PTPRD: variants seen among roughly 807,000 people sequenced by gnomAD.
The protein encoded by PTPRD is protein tyrosine phosphatase receptor type D, also known as receptor-type tyrosine-protein phosphatase delta.
In PTPRD, 34 loss-of-function variants were observed where a neutral mutation model predicts 214.5. That is an observed-to-expected ratio of 0.16 (90% CI 0.12 to 0.21). PTPRD has a LOEUF of 0.21. PTPRD is among the 10% of genes least tolerant of loss of function. The probability of loss-of-function intolerance (pLI) is 1.00; values close to 1 mark genes in which losing one functional copy is unlikely to be tolerated. For synonymous variants in PTPRD, 1,128 were observed against 845.7 expected, an observed-to-expected ratio of 1.33 and a Z score of -5.79; for missense variants, 2,545 against 2,398.7, an observed-to-expected ratio of 1.06 and a Z score of -1.27.
chr9:9,846,347 G>A (rs950349164), intron 5 of PTPRD, among the ~76,000 whole-genome samples: 1 of 152,024 alleles, frequency 6.6e-6, no homozygotes, highest in Admixed American at 6.6e-5. Context: ...TTTATCCAAA[G>A]TCTAGGTAAG....
intron 11 of PTPRD, among the ~76,000 whole-genome samples, chr9:8,870,985 A>C (rs4740966): frequency 0.19 from 29,209 of 152,154 alleles, 4,161 homozygotes; most frequent in African/African-American, 0.4. Context: ...GAGAAGAAAA[A>C]GCAGACATCC....
chr9:10,231,399 G>T (rs1390047974), intron 3 of PTPRD, among the ~76,000 whole-genome samples: 1 of 151,902 alleles, frequency 6.6e-6, no homozygotes, highest in Non-Finnish European at 1.5e-5. Context: ...GAAAAAAAGT[G>T]CAATTACCTA....
rs1001582495 is a variant in PTPRD, at chr9:9,757,255, C to T, written c.-326+9555G>A. Among the ~76,000 whole-genome samples, 15 of 152,124 alleles carry T rather than the reference C, an allele frequency of 9.9e-5. No homozygotes were observed. The East Asian group carries it at 1.7e-3, about 18-fold the overall frequency. ...TTGAAAACATTTAATATTTACTCTT[C>T]GGTTAAGTTTCATGCAAATAGTAGC... On this transcript the variant is annotated intron_variant, in intron 6 of 45. Coordinates refer to ENST00000381196, the MANE Select transcript of PTPRD (RefSeq NM_002839.4).
chr9:9,600,720 A>C (rs9407436), intron 7 of PTPRD, among the ~76,000 whole-genome samples: 65,225 of 151,890 alleles, frequency 0.43, 14,967 homozygotes, highest in Non-Finnish European at 0.51. Context: ...GGTAGTATTG[A>C]ATAACAATTA....
chr9:8,353,501 C>T (rs574321929), intron 39 of PTPRD, among the ~76,000 whole-genome samples: 10 of 151,772 alleles, frequency 6.6e-5, no homozygotes, highest in East Asian at 2.0e-4. Flanking sequence ...GGTGTGATCT[C>T]GGCTCATCGT....
chr9:8,905,466 T>C (rs2098700982), intron 11 of PTPRD, among the ~76,000 whole-genome samples: 1 of 151,980 alleles, frequency 6.6e-6, no homozygotes. Flanking sequence ...CAGCCGGACG[T>C]CGTGGCTCAC....
intron 5 of PTPRD, among the ~76,000 whole-genome samples, chr9:9,796,903 G>A (rs928169151): frequency 7.2e-5 from 11 of 152,056 alleles, no homozygotes; most frequent in Admixed American, 2.6e-4. Flanking sequence ...ACACCATTAC[G>A]TCATTGCCAC....
intron 11 of PTPRD, among the ~76,000 whole-genome samples, chr9:8,907,582 A>C (rs918246137): frequency 6.7e-6 from 1 of 149,448 alleles, no homozygotes; most frequent in Admixed American, 6.7e-5. Flanking sequence ...GCATTGAATC[A>C]ACAAATGGGG....
At chr9:9,099,058 G>A (rs1031415591) in intron 10 of PTPRD, among the ~76,000 whole-genome samples, 1 of 152,136 alleles carries the variant, frequency 6.6e-6, no homozygotes. Flanking sequence ...AAGCAAGTGA[G>A]TACAATGACA....
At chr9:9,878,180 A>T (rs2067477432) in intron 5 of PTPRD, among the ~76,000 whole-genome samples, 1 of 152,144 alleles carries the variant, frequency 6.6e-6, no homozygotes, top group African/African-American at 2.4e-5. Flanking sequence ...TTATTGAAAT[A>T]TACTTAAATA....
At chr9:9,774,678 T>C (rs966476661) in intron 5 of PTPRD, among the ~76,000 whole-genome samples, 1 of 152,214 alleles carries the variant, frequency 6.6e-6, no homozygotes, top group African/African-American at 2.4e-5. Context: ...ATTATACTTT[T>C]AAATGTGATG....
At chr9:10,195,685 A>G (rs981940324) in intron 3 of PTPRD, among the ~76,000 whole-genome samples, 7 of 152,196 alleles carry the variant, frequency 4.6e-5, no homozygotes, top group Admixed American at 1.3e-4. Context: ...TTATTTGCAA[A>G]GATAGATATG....
At chr9:8,712,782 G>C (rs374791498) in intron 12 of PTPRD, among the ~76,000 whole-genome samples, 1 of 152,090 alleles carries the variant, frequency 6.6e-6, no homozygotes, top group Non-Finnish European at 1.5e-5. Flanking sequence ...GCAGTGGCAC[G>C]ATCTTGGCTC....
chr9:9,909,940 AG>A (rs2078717511), intron 5 of PTPRD, among the ~76,000 whole-genome samples: 1 of 151,988 alleles, frequency 6.6e-6, no homozygotes, highest in Non-Finnish European at 1.5e-5. Context: ...ATAGTAGATA[AG>A]GCATGCATAC....
chr9:10,070,511 A>G (rs1011621819), intron 3 of PTPRD, among the ~76,000 whole-genome samples: 1 of 152,040 alleles, frequency 6.6e-6, no homozygotes, highest in African/African-American at 2.4e-5. Flanking sequence ...GAAATGCTGC[A>G]ACAGAAAGTA....
chr9:8,905,023 A>G (rs933511646), intron 11 of PTPRD, among the ~76,000 whole-genome samples: 3 of 152,330 alleles, frequency 2.0e-5, no homozygotes, highest in Admixed American at 6.5e-5. Flanking sequence ...GAAGAAAAAC[A>G]CTTCAAGATT....
At chr9:9,180,377 C>T (rs564788806) in intron 10 of PTPRD, among the ~76,000 whole-genome samples, 4 of 145,164 alleles carry the variant, frequency 2.8e-5, no homozygotes, top group Non-Finnish European at 6.0e-5. Flanking sequence ...TATTCTCACT[C>T]GTAGGTGGGA....
chr9:10,603,192 G>A (rs547358480), intron 2 of PTPRD, among the ~76,000 whole-genome samples: 268 of 151,908 alleles, frequency 1.8e-3, no homozygotes, highest in Non-Finnish European at 3.1e-3. Context: ...AGCACAGCAG[G>A]TTCTCTTTCT....
intron 9 of PTPRD, among the ~76,000 whole-genome samples, chr9:9,230,295 C>A (rs2099962304): frequency 6.6e-6 from 1 of 152,082 alleles, no homozygotes; most frequent in Non-Finnish European, 1.5e-5. Context: ...TAACTAAAAT[C>A]TCTTCAACAA....
Sources: gnomAD v4.1 joint callset for allele counts (sites outside exome capture counted in the v4.1 genomes callset) on GRCh38, gnomAD v4.1.1 for gene constraint, MANE v1.5 for transcripts, NCBI Gene and HGNC (gene_info 2026-07-23, HGNC 2026-07-21) for gene names.